REV3L: variants seen among roughly 807,000 people sequenced by gnomAD.
REV3L encodes the protein REV3 like, DNA directed polymerase zeta catalytic subunit, also known as DNA polymerase zeta catalytic subunit.
In REV3L, 69 loss-of-function variants were observed where a neutral mutation model predicts 299.4. The ratio of observed to expected loss-of-function variants is 0.23; its 90% CI spans 0.19 to 0.28. The LOEUF is 0.28. Among genes scored for constraint, REV3L ranks in the 10% least tolerant of loss-of-function variants. REV3L has a pLI of 1.00. For missense variants in REV3L, 3,128 were observed against 3,693.8 expected (o/e 0.85, Z 3.97); for synonymous variants, 1,238 against 1,271.4 (o/e 0.97, Z 0.56).
intron 1 of REV3L, among the ~76,000 whole-genome samples, chr6:111,435,795 C>T (rs1259050256): frequency 6.6e-6 from 1 of 151,970 alleles, no homozygotes; most frequent in Non-Finnish European, 1.5e-5. Flanking sequence ...CACAGGCAAC[C>T]AAGCCAAAAA....
intron 4 of REV3L, among the ~76,000 whole-genome samples, chr6:111,403,420 G>A (rs866208161): frequency 6.6e-6 from 1 of 152,168 alleles, no homozygotes; most frequent in South Asian, 2.1e-4. Flanking sequence ...TGGCAACTCT[G>A]CATTGAGCAA....
At chr6:111,431,638 G>A (rs186647499) in intron 1 of REV3L, 332 of 804,278 alleles carry the variant, frequency 4.1e-4, no homozygotes, top group Admixed American at 1.8e-3. Context: ...AACTACAGGT[G>A]ATATCATAAG....
chr6:111,456,142 T>C (rs17539162), intron 1 of REV3L, among the ~76,000 whole-genome samples: 6 of 152,228 alleles, frequency 3.9e-5, no homozygotes, highest in Admixed American at 1.3e-4. Context: ...CGCCTACCAA[T>C]GCATTTCTCA....
intron 1 of REV3L, among the ~76,000 whole-genome samples, chr6:111,438,422 CAGA>C (rs754870870): frequency 2.6e-4 from 39 of 148,716 alleles, no homozygotes; most frequent in Admixed American, 1.4e-3. Context: ...TTTTTAGAGA[CAGA>C]ATCTTGCTAT....
chr6:111,432,038 A>G (rs1787002145), intron 1 of REV3L, among the ~76,000 whole-genome samples: 1 of 152,198 alleles, frequency 6.6e-6, no homozygotes, highest in South Asian at 2.1e-4. Context: ...TGGTTACCAC[A>G]ATGCAAAAAC....
chr6:111,450,359 G>C (rs1270041846), intron 1 of REV3L, among the ~76,000 whole-genome samples: 1 of 151,392 alleles, frequency 6.6e-6, no homozygotes, highest in African/African-American at 2.4e-5. Flanking sequence ...CGCACCTGTT[G>C]TTCCAGCTAT....
Position 111,419,048 on chromosome 6 carries a change from G to T in REV3L, c.140-2576C>A, listed in dbSNP as rs955229589. Among the ~76,000 whole-genome samples, 58 of 152,146 alleles carry T rather than the reference G, an allele frequency of 3.8e-4. 1 individual carries two copies. The highest frequency in any genetic ancestry group is 1.3e-4 in the Non-Finnish European group (9 of 68,030). On this transcript the variant is annotated intron_variant, in intron 1 of 31. Coordinates refer to ENST00000368802, the MANE Select transcript of REV3L (RefSeq NM_001372078.1). ...GGGTTAGAGGAGGACATGGGTGTGT[G>T]GGGTTGAGAAGGATCCCCAACATAT...
chr6:111,456,375 A>G (rs548478689), intron 1 of REV3L, among the ~76,000 whole-genome samples: 1 of 152,326 alleles, frequency 6.6e-6, no homozygotes, highest in South Asian at 2.1e-4. Context: ...GAAACTGTCC[A>G]TAATCCAGTT....
chr6:111,309,421 G>C (rs1205585179), intron 30 of REV3L: 1 of 152,774 alleles, frequency 6.5e-6, no homozygotes, highest in Non-Finnish European at 1.5e-5. Context: ...TCAATGGCCT[G>C]CCAGCATGCC....
intron 3 of REV3L, among the ~76,000 whole-genome samples, chr6:111,408,481 G>A (rs1272647148): frequency 6.6e-6 from 1 of 152,064 alleles, no homozygotes; most frequent in African/African-American, 2.4e-5. Context: ...GTGGGCACCT[G>A]TAATCCCAGC....
intron 20 of REV3L, among the ~76,000 whole-genome samples, chr6:111,344,674 G>A (rs971045147): frequency 1.3e-5 from 2 of 152,194 alleles, no homozygotes; most frequent in Non-Finnish European, 2.9e-5. Flanking sequence ...CTTCCAGCTA[G>A]ATGATTTCTC....
At chr6:111,378,303 C>T (rs1780507457) in intron 11 of REV3L, among the ~76,000 whole-genome samples, 2 of 152,134 alleles carry the variant, frequency 1.3e-5, no homozygotes, top group Admixed American at 1.3e-4. Flanking sequence ...CAGTGAAGTC[C>T]AGTCTTTAAG....
Position 111,333,172 on chromosome 6 carries a change from A to G in REV3L, c.7876T>C (p.Tyr2626His), listed in dbSNP as rs759523115. The change falls in exon 23 of 32, where the codon TAT (tyrosine) becomes CAT (histidine). Residue 2626 changes from tyrosine (Y) to histidine (H), a missense_variant. By Grantham distance (83) the Tyr-to-His change is moderately conservative (BLOSUM62 2). Coordinates refer to ENST00000368802, the MANE Select transcript of REV3L (RefSeq NM_001372078.1). ...QSLYPSIVIAYNYCFSTCLGH... is the reference protein window; with the variant it reads ...QSLYPSIVIAHNYCFSTCLGH... ...AGGCAGGTGGAAAAGCAGTAGTTATATGCAATCACAATAGAAGGATAAAGT... is the reference window on the plus strand; with the variant it reads ...AGGCAGGTGGAAAAGCAGTAGTTATGTGCAATCACAATAGAAGGATAAAGT... The G allele has an allele frequency of 6.2e-7, 1 of 1,614,184 alleles. No homozygotes were observed. The highest frequency in any genetic ancestry group is 8.5e-7 in the Non-Finnish European group (1 of 1,180,022).
intron 3 of REV3L, among the ~76,000 whole-genome samples, 170 bp downstream of exon 3, chr6:111,411,310 C>T (rs1017236296): frequency 8.5e-5 from 13 of 152,142 alleles, no homozygotes; most frequent in Admixed American, 5.9e-4. Context: ...TCTAAAATAT[C>T]CTTCATAGAG....
intron 25 of REV3L, 85 bp downstream of exon 25, chr6:111,329,447 A>C: frequency 7.6e-7 from 1 of 1,312,454 alleles, no homozygotes. Flanking sequence ...TTAGCTTCCA[A>C]AGTAACTGGG....
intron 13 of REV3L, among the ~76,000 whole-genome samples, chr6:111,368,265 A>T (rs1039764619): frequency 9.2e-5 from 14 of 152,172 alleles, no homozygotes; most frequent in African/African-American, 3.4e-4. Context: ...TAGGGAGAGA[A>T]GGTATTTTTT....
intron 22 of REV3L, 124 bp from the exon 23 acceptor site, chr6:111,333,491 T>G (rs1775593419): frequency 3.5e-6 from 3 of 863,482 alleles, no homozygotes; most frequent in Non-Finnish European, 5.2e-6. Context: ...TTTTTTTTTT[T>G]GAGACAGTGT....
rs368366021 is a variant in REV3L, at chr6:111,406,788, G to C, written c.405-1158C>G. Among the ~76,000 whole-genome samples, 11 of 152,070 alleles carry C rather than the reference G, an allele frequency of 7.2e-5. No homozygotes were observed. The South Asian group carries it at 2.3e-3, about 32-fold the overall frequency. ...GACACAAGGGCATTTAGGTATAGTG[G>C]GGATCCAATAATAATATTGGAAATG... On this transcript the variant is annotated intron_variant, in intron 3 of 31. Coordinates refer to ENST00000368802, the MANE Select transcript of REV3L (RefSeq NM_001372078.1).
chr6:111,363,508 C>T (rs145708678), intron 16 of REV3L, among the ~76,000 whole-genome samples: 1 of 152,046 alleles, frequency 6.6e-6, no homozygotes, highest in East Asian at 1.9e-4. Context: ...CAGGGTCTTC[C>T]TATGTAGCCC....
Sources: gnomAD v4.1 joint callset for allele counts (sites outside exome capture counted in the v4.1 genomes callset) on GRCh38, gnomAD v4.1.1 for gene constraint, MANE v1.5 for transcripts, NCBI Gene and HGNC (gene_info 2026-07-23, HGNC 2026-07-21) for gene names.